TRIO: variants seen among roughly 807,000 people sequenced by gnomAD.
The protein encoded by TRIO is triple functional domain protein.
Under a neutral mutation model 351.9 loss-of-function variants are expected in TRIO, and 58 were observed. That is an observed-to-expected ratio of 0.16 (90% confidence interval 0.13 to 0.21). The LOEUF is 0.21. Ranked by LOEUF, TRIO falls within the 10% of genes least tolerant of loss-of-function variation. TRIO has a pLI of 1.00. For synonymous variants in TRIO, 1,758 were observed against 1,595.7 expected (o/e 1.10, Z -2.42); for missense variants, 3,201 against 4,027.8 (o/e 0.79, Z 5.56).
chr5:14,325,198 G>A (rs1020221577), intron 9 of TRIO, among the ~76,000 whole-genome samples: 3 of 152,190 alleles, frequency 2.0e-5, no homozygotes, highest in Admixed American at 2.0e-4. Context: ...TGTGAGGTAG[G>A]CTTTGAAATA....
At chr5:14,198,008 G>A (rs1245727690) in intron 1 of TRIO, among the ~76,000 whole-genome samples, 2 of 152,132 alleles carry the variant, frequency 1.3e-5, no homozygotes, top group Non-Finnish European at 2.9e-5. Flanking sequence ...TGTAATGATA[G>A]TCCAGAACAA....
chr5:14,167,945 AATC>A (rs1457108472), intron 1 of TRIO, among the ~76,000 whole-genome samples: 1 of 152,212 alleles, frequency 6.6e-6, no homozygotes, highest in Non-Finnish European at 1.5e-5. Flanking sequence ...TATATATCAG[AATC>A]ATCTGATAAT....
At chr5:14,367,143 C>T (rs1229372163) in intron 16 of TRIO, among the ~76,000 whole-genome samples, 164 bp downstream of exon 16, 1 of 152,108 alleles carries the variant, frequency 6.6e-6, no homozygotes, top group Non-Finnish European at 1.5e-5. Context: ...CAGCTGATTA[C>T]AGGAAAGGGA....
intron 49 of TRIO, among the ~76,000 whole-genome samples, chr5:14,496,139 A>G (rs1335140117): frequency 6.6e-6 from 1 of 152,224 alleles, no homozygotes; most frequent in Non-Finnish European, 1.5e-5. Flanking sequence ...TAAGGTATGT[A>G]CATTTTTTAG....
At chr5:14,437,871 A>C (rs1456156302) in intron 34 of TRIO, among the ~76,000 whole-genome samples, 1 of 152,168 alleles carries the variant, frequency 6.6e-6, no homozygotes, top group Non-Finnish European at 1.5e-5. Flanking sequence ...GATGTGAAAT[A>C]TGGCCATGAT....
chr5:14,304,614 C>T (rs202241476), intron 8 of TRIO, 22 bp downstream of exon 8: 1 of 1,597,924 alleles, frequency 6.3e-7, no homozygotes, highest in Non-Finnish European at 8.5e-7. Context: ...GTTTTACTTA[C>T]ATTGCAAAGC....
At chr5:14,179,803 A>G (rs1299563095) in intron 1 of TRIO, among the ~76,000 whole-genome samples, 1 of 152,172 alleles carries the variant, frequency 6.6e-6, no homozygotes, top group Non-Finnish European at 1.5e-5. Context: ...TAAATTAATG[A>G]TTAACTGTCT....
At chr5:14,225,442 G>C (rs1029247176) in intron 1 of TRIO, among the ~76,000 whole-genome samples, 1 of 152,096 alleles carries the variant, frequency 6.6e-6, no homozygotes, top group Admixed American at 6.5e-5. Context: ...AAGGCCATTG[G>C]GACTGCATTT....
In TRIO at chr5:14,471,492, A is replaced by C. The variant is rs1170160651; in HGVS notation, c.5912+26A>C. The C allele has an allele frequency of 8.7e-6, 14 of 1,612,900 alleles. No homozygotes were observed. In the East Asian group the frequency reaches 2.2e-4, roughly 26 times the overall value. ...GTAAGACAGAAATGTTTTCATTCTT[A>C]TTGTTCTCTGGGTTCCGTCCTGTCT... On this transcript the variant is annotated intron_variant, in intron 38 of 56. Coordinates refer to ENST00000344204, the MANE Select transcript of TRIO (RefSeq NM_007118.4).
intron 1 of TRIO, among the ~76,000 whole-genome samples, chr5:14,180,414 T>A (rs552968721): frequency 6.6e-6 from 1 of 152,246 alleles, no homozygotes; most frequent in African/African-American, 2.4e-5. Context: ...GCTGTTAGTA[T>A]TCTTAAATAA....
intron 8 of TRIO, among the ~76,000 whole-genome samples, chr5:14,306,564 T>G (rs1439355425): frequency 6.6e-6 from 1 of 152,248 alleles, no homozygotes. Context: ...ATGAATCTCT[T>G]GCTTTGGAGC....
At chr5:14,504,906 C>A (rs911428919) in intron 55 of TRIO, among the ~76,000 whole-genome samples, 1 of 150,776 alleles carries the variant, frequency 6.6e-6, no homozygotes, top group African/African-American at 2.5e-5. Flanking sequence ...CAGGCTGTCT[C>A]TGGTGCTGAA....
chr5:14,265,397 G>C (rs1795614159), intron 1 of TRIO, among the ~76,000 whole-genome samples: 1 of 152,022 alleles, frequency 6.6e-6, no homozygotes, highest in South Asian at 2.1e-4. Flanking sequence ...AGTGTCCTGG[G>C]AGAAATACAG....
intron 1 of TRIO, among the ~76,000 whole-genome samples, chr5:14,180,599 CGA>C (rs1789710167): frequency 6.6e-6 from 1 of 152,030 alleles, no homozygotes; most frequent in African/African-American, 2.4e-5. Context: ...GTTGAGAGGC[CGA>C]GGTGGGAAGA....
At chr5:14,371,030 C>G (rs1370927802) in intron 18 of TRIO, among the ~76,000 whole-genome samples, 1 of 152,192 alleles carries the variant, frequency 6.6e-6, no homozygotes, top group South Asian at 2.1e-4. Flanking sequence ...ACATCAAATG[C>G]TATACAACCA....
intron 1 of TRIO, among the ~76,000 whole-genome samples, chr5:14,173,190 CTTT>C (rs758636385): frequency 1.2e-4 from 8 of 66,490 alleles, no homozygotes; most frequent in East Asian, 7.7e-4. Flanking sequence ...TTGTATGTTC[CTTT>C]TTTTTTTTTT....
chr5:14,196,298 C>T (rs1790764899), intron 1 of TRIO, among the ~76,000 whole-genome samples: 2 of 151,592 alleles, frequency 1.3e-5, no homozygotes, highest in Non-Finnish European at 2.9e-5. Flanking sequence ...TGGCGTGCTC[C>T]TGTAATCCCA....
intron 34 of TRIO, among the ~76,000 whole-genome samples, chr5:14,435,630 A>C (rs943227467): frequency 1.3e-5 from 2 of 152,166 alleles, no homozygotes; most frequent in African/African-American, 4.8e-5. Context: ...TGAATTTATC[A>C]GTTGGAATTC....
intron 11 of TRIO, among the ~76,000 whole-genome samples, chr5:14,341,234 C>T (rs1451718421): frequency 6.6e-6 from 1 of 152,064 alleles, no homozygotes. Context: ...TTTTGTTTGT[C>T]CTCCTTTCCT....
Sources: allele counts gnomAD v4.1 joint callset (sites outside exome capture counted in the v4.1 genomes callset), GRCh38; gene constraint gnomAD v4.1.1; transcripts MANE v1.5; gene names NCBI Gene and HGNC (gene_info 2026-07-23, HGNC 2026-07-21).